The following SLC6A5 variants were observed in gnomAD, a reference collection of about 807,000 sequenced individuals.
SLC6A5 encodes the protein solute carrier family 6 member 5.
Under a neutral mutation model 90.5 loss-of-function variants are expected in SLC6A5, and 58 were observed. That is an observed-to-expected ratio of 0.64 (90% CI 0.52 to 0.80). The LOEUF is 0.80. Ranked by LOEUF, SLC6A5 falls within the 30% of genes least tolerant of loss-of-function variation. SLC6A5 has a pLI of 0.00. For synonymous variants in SLC6A5, 427 were observed against 401.4 expected, an observed-to-expected ratio of 1.06 and a Z score of -0.76; for missense variants, 1,015 against 1,017.6, an observed-to-expected ratio of 1.00 and a Z score of 0.03.
At chr11:20,628,668 C>G (rs1853049551) in intron 9 of SLC6A5, among the ~76,000 whole-genome samples, 1 of 152,170 alleles carries the variant, frequency 6.6e-6, no homozygotes, top group South Asian at 2.1e-4. Flanking sequence ...CCTTGAGTAA[C>G]AGACTATGGT....
intron 2 of SLC6A5, among the ~76,000 whole-genome samples, chr11:20,602,978 G>A (rs1398987761): frequency 6.6e-6 from 1 of 152,118 alleles, no homozygotes; most frequent in Non-Finnish European, 1.5e-5. Context: ...GGATTGAAGG[G>A]TGGGATTAGG....
chr11:20,642,099 T>C (rs1291794165), intron 13 of SLC6A5, among the ~76,000 whole-genome samples: 1 of 151,872 alleles, frequency 6.6e-6, no homozygotes, highest in African/African-American at 2.4e-5. Flanking sequence ...TTGTGGGATA[T>C]AGTACTAAAT....
intron 5 of SLC6A5, 27 bp from the exon 6 acceptor site, chr11:20,614,652 G>A (rs375582470): frequency 1.6e-5 from 25 of 1,607,282 alleles, no homozygotes; most frequent in Non-Finnish European, 2.0e-5. Flanking sequence ...ATTTAACTGT[G>A]TTTCTATTCT....
chr11:20,638,613 T>C lies in SLC6A5; in HGVS notation c.1969+55T>C, dbSNP rs567400744. On this transcript the variant is annotated intron_variant, in intron 13 of 15. Transcript: ENST00000525748. ...GTAGAGCTTGAGTGTCGGTAAGGCA[T>C]TCATGGCAAGCAGATTTCCCATACT... 1.4e-5 allele frequency: 14 copies of C among 1,021,680 alleles called. No homozygotes were observed. The East Asian group carries it at 3.3e-4, about 24-fold the overall frequency. The allele number at this position is 1,021,680 out of a possible 1,614,324, so 63.3% of individuals were successfully genotyped here. A position where few individuals can be genotyped will look rare whatever the true frequency, so the allele number is the denominator to read the frequency against.
intron 7 of SLC6A5, among the ~76,000 whole-genome samples, chr11:20,624,887 C>G (rs983201829): frequency 2.0e-5 from 3 of 152,154 alleles, no homozygotes; most frequent in African/African-American, 7.2e-5. Context: ...GTGCCCTGGG[C>G]CTGTTCCACT....
intron 14 of SLC6A5, 83 bp from the exon 15 acceptor site, chr11:20,652,206 C>A: frequency 7.8e-7 from 1 of 1,277,122 alleles, no homozygotes; most frequent in Non-Finnish European, 1.1e-6. Flanking sequence ...AAGCATCAAA[C>A]TCATAACGGG....
intron 4 of SLC6A5, 81 bp downstream of exon 4, chr11:20,607,219 G>T: frequency 6.5e-7 from 1 of 1,526,898 alleles, no homozygotes. Context: ...CAGGGAGGGA[G>T]ACCTGCCTTT....
chr11:20,603,592 C>T (rs1293569637), intron 2 of SLC6A5, among the ~76,000 whole-genome samples: 1 of 152,190 alleles, frequency 6.6e-6, no homozygotes, highest in Non-Finnish European at 1.5e-5. Flanking sequence ...CCCATATCAA[C>T]CTTTTTTGTT....
rs543221626 is a variant in SLC6A5 at position 20,637,068 on chromosome 11, C to T, written c.1738-104C>T. The T allele has an allele frequency of 3.1e-6, 4 of 1,279,886 alleles. No individual in the cohort carries two copies. The East Asian group carries it at 7.0e-5, about 22-fold the overall frequency. The allele number at this position is 1,279,886 out of a possible 1,614,324, so 79.3% of individuals were successfully genotyped here. A position where few individuals can be genotyped will look rare whatever the true frequency, so the allele number is the denominator to read the frequency against. On this transcript the variant is annotated intron_variant, in intron 11 of 15. Coordinates refer to ENST00000525748, the MANE Select transcript of SLC6A5 (RefSeq NM_004211.5). ...GGGAATGCCATCCTAAAAACCAAAC[C>T]TAACACAAATACAACTTTCCTGGAT...
chr11:20,616,260 G>C (rs776866360), intron 6 of SLC6A5, among the ~76,000 whole-genome samples: 9 of 152,288 alleles, frequency 5.9e-5, no homozygotes, highest in Admixed American at 2.0e-4. Context: ...AACTACCATG[G>C]GGGTATTAGG....
intron 2 of SLC6A5, among the ~76,000 whole-genome samples, chr11:20,604,002 G>C (rs55917286): frequency 2.0e-5 from 3 of 151,922 alleles, no homozygotes; most frequent in African/African-American, 7.3e-5. Flanking sequence ...CGCCCTGACT[G>C]TATGATCTGG....
intron 11 of SLC6A5, 92 bp from the exon 12 acceptor site, chr11:20,637,080 C>T: frequency 7.3e-7 from 1 of 1,367,010 alleles, no homozygotes; most frequent in Non-Finnish European, 1.0e-6. Context: ...AACACAAATA[C>T]AACTTTCCTG....
intron 6 of SLC6A5, among the ~76,000 whole-genome samples, chr11:20,617,332 A>T (rs1356242424): frequency 6.6e-6 from 1 of 152,264 alleles, no homozygotes; most frequent in Non-Finnish European, 1.5e-5. Context: ...TTTTAAAATT[A>T]AAATCACACA....
Position 20,601,142 on chromosome 11 carries a change from C to T in SLC6A5, c.17C>T (p.Pro6Leu). MDCSAPKEMNKLPANS... is the reference protein window; with the variant it reads MDCSALKEMNKLPANS... ...TTGTGTTTGCAGGATTGCAGTGCTC[C>T]CAAGGAAATGAATAAACTGCCAGCC... The change falls in exon 2 of 16, where the codon CCC becomes CTC. Residue 6 changes from proline (P) to leucine (L), a missense_variant. This residue lies in a region of SLC6A5 where 567 missense variants were observed against 507.3 expected (regional missense o/e 1.12). Coordinates refer to ENST00000525748, the MANE Select transcript of SLC6A5 (RefSeq NM_004211.5). 6.3e-7 allele frequency: 1 copy of T among 1,591,238 alleles called. No individual in the cohort carries two copies. Among genetic ancestry groups the T allele is most frequent in the Non-Finnish European group, 8.5e-7 (1 of 1,176,380 alleles).
At chr11:20,603,563 C>T (rs1259926094) in intron 2 of SLC6A5, among the ~76,000 whole-genome samples, 1 of 152,188 alleles carries the variant, frequency 6.6e-6, no homozygotes, top group Admixed American at 6.5e-5. Flanking sequence ...AACTCAAGGT[C>T]GTAGATGGCT....
At chr11:20,606,916 A>T (rs1852592418) in intron 3 of SLC6A5, 91 bp from the exon 4 acceptor site, 1 of 1,538,982 alleles carries the variant, frequency 6.5e-7, no homozygotes, top group East Asian at 2.3e-5. Context: ...TAGTTCTTTG[A>T]GAGGGAGCTC....
In SLC6A5 at chr11:20,614,798, A is replaced by G. The variant is rs1277636301; in HGVS notation, c.1105A>G (p.Ser369Gly). ...FTSQANKTFVSGSEEYFKYFV... is the reference protein window; with the variant it reads ...FTSQANKTFVGGSEEYFKYFV... ...CAGCCAGGCCAATAAGACATTTGTC[A>G]GTGGAAGTGAAGAGTACTTCAAGTA... The change falls in exon 6 of 16, where the codon AGT becomes GGT. Residue 369 changes from serine (S) to glycine (G), a missense_variant. Physicochemically the swap from Ser to Gly is moderately conservative, Grantham distance 56. Around this residue, in one of 3 missense-constraint regions of SLC6A5, gnomAD observed 567 missense variants for 507.3 expected, o/e 1.12. Coordinates refer to ENST00000525748, the MANE Select transcript of SLC6A5 (RefSeq NM_004211.5). 4 of 1,613,956 alleles carry G rather than the reference A, an allele frequency of 2.5e-6. No individual in the cohort carries two copies. In the South Asian group the frequency reaches 4.4e-5, roughly 18 times the overall value.
chr11:20,651,397 C>T (rs1307520288), intron 14 of SLC6A5, among the ~76,000 whole-genome samples: 1 of 151,120 alleles, frequency 6.6e-6, no homozygotes, highest in Non-Finnish European at 1.5e-5. Flanking sequence ...CCTCAGCCTC[C>T]CAAGTAGCTG....
At chr11:20,643,201 A>G (rs1853346352) in intron 13 of SLC6A5, among the ~76,000 whole-genome samples, 1 of 151,534 alleles carries the variant, frequency 6.6e-6, no homozygotes, top group South Asian at 2.1e-4. Context: ...TGATGCTAAT[A>G]ATAGAAATTT....
Sources: allele counts gnomAD v4.1 joint callset (sites outside exome capture counted in the v4.1 genomes callset), GRCh38; gene constraint gnomAD v4.1.1; regional missense constraint gnomAD v4.1.1; transcripts MANE v1.5; gene names NCBI Gene and HGNC (gene_info 2026-07-23, HGNC 2026-07-21).